SNX25: variants seen among roughly 807,000 people sequenced by gnomAD.
SNX25 encodes the protein sorting nexin 25, also known as sorting nexin-25.
SNX25 carries 62 observed loss-of-function variants against 113.7 expected under a neutral mutation model. That is an observed-to-expected ratio of 0.55 (90% CI 0.44 to 0.67). The LOEUF (loss-of-function observed/expected upper bound fraction) is 0.67, where lower values mean the gene tolerates loss of function less well. Among genes scored for constraint, SNX25 ranks in the 30% least tolerant of loss-of-function variants. SNX25 has a pLI of 0.00. For synonymous variants in SNX25, 421 were observed against 436.2 expected (o/e 0.97, Z 0.43); for missense variants, 1,014 against 1,161.0 (o/e 0.87, Z 1.84).
intron 1 of SNX25, among the ~76,000 whole-genome samples, chr4:185,244,947 T>A (rs1209911416): frequency 6.6e-6 from 1 of 152,124 alleles, no homozygotes; most frequent in Non-Finnish European, 1.5e-5. Flanking sequence ...AATCAAGGAC[T>A]GGAAATTCTC....
the SNX25 span, chr4:185,375,788 A>C: frequency 9.2e-7 from 1 of 1,090,614 alleles, no homozygotes; most frequent in East Asian, 2.8e-5. Flanking sequence ...TCCCAAAGGC[A>C]CCAAGTGGTC....
chr4:185,216,324 T>TC (rs1166276307), intron 1 of SNX25, among the ~76,000 whole-genome samples: 46 of 152,128 alleles, frequency 3.0e-4, no homozygotes, highest in Non-Finnish European at 5.9e-4. Flanking sequence ...TGAACAGTGA[T>TC]TACACATAAA....
At chr4:185,254,149 A>C (rs999139040) in intron 2 of SNX25, among the ~76,000 whole-genome samples, 2 of 152,134 alleles carry the variant, frequency 1.3e-5, no homozygotes, top group Non-Finnish European at 2.9e-5. Context: ...CAACTCATCG[A>C]GTTCTAGTTC....
At position 185,334,184 on chromosome 4, in the gene SNX25, C is replaced by A. The variant is rs190637652; in HGVS notation, c.1914+1425C>A. Among the ~76,000 whole-genome samples, 515 of 152,024 alleles carry A rather than the reference C, an allele frequency of 3.4e-3. 1 individual carries two copies. The highest frequency in any genetic ancestry group is 5.4e-3 in the Non-Finnish European group (365 of 67,954). On this transcript the variant is annotated intron_variant, in intron 10 of 18. Transcript: ENST00000652585. This position sits in a 1 kb window ranked among gnomAD's most constrained non-coding sequence, Gnocchi z 4.2. ...TGAAACCCTGTGTCTACTAAAAATA[C>A]AAAAATTAGCCAGGCATGGTGGCAT... is the stretch of plus-strand genomic sequence containing the variant.
chr4:185,246,025 G>A (rs562508536), intron 1 of SNX25, among the ~76,000 whole-genome samples: 14 of 152,242 alleles, frequency 9.2e-5, no homozygotes, highest in Middle Eastern at 3.4e-3. Flanking sequence ...GGTGGCTCAC[G>A]CCTGTAATCC....
intron 1 of SNX25, among the ~76,000 whole-genome samples, chr4:185,212,497 T>TTTTTTTTG (rs1738087902): frequency 2.0e-5 from 1 of 49,596 alleles, no homozygotes; most frequent in African/African-American, 5.6e-5. Flanking sequence ...GTGTGTTTTT[T>TTTTTTTTG]TTTTTTTTTG....
chr4:185,225,345 C>T (rs770660327), intron 1 of SNX25, among the ~76,000 whole-genome samples: 29 of 152,088 alleles, frequency 1.9e-4, no homozygotes, highest in Non-Finnish European at 3.4e-4. Flanking sequence ...AGTATGGTCT[C>T]GATCTCCTGA....
chr4:185,370,766 G>A, downstream of SNX25: 1 of 1,614,140 alleles, frequency 6.2e-7, no homozygotes, highest in South Asian at 1.1e-5. Context: ...GACAGTCTGT[G>A]ACCTGGGCGA....
At chr4:185,291,299 C>T (rs893251981) in intron 6 of SNX25, among the ~76,000 whole-genome samples, 1 of 152,150 alleles carries the variant, frequency 6.6e-6, no homozygotes, top group Non-Finnish European at 1.5e-5. Context: ...TCATTACCAC[C>T]CATCTCCGGA....
intron 3 of SNX25, among the ~76,000 whole-genome samples, chr4:185,262,502 C>CA (rs1476067304): frequency 4.6e-5 from 7 of 152,046 alleles, no homozygotes; most frequent in Non-Finnish European, 8.8e-5. Flanking sequence ...TGTTCTTTTT[C>CA]ATCTTTGTAA....
intron 1 of SNX25, among the ~76,000 whole-genome samples, chr4:185,241,468 AAG>A (rs923183346): frequency 8.6e-6 from 1 of 115,900 alleles, no homozygotes; most frequent in Non-Finnish European, 2.0e-5. Flanking sequence ...AGACCGTGGA[AAG>A]AGAGGGAGAG....
intron 2 of SNX25, among the ~76,000 whole-genome samples, chr4:185,251,152 G>A (rs1002053469): frequency 7.2e-5 from 11 of 152,002 alleles, no homozygotes; most frequent in Non-Finnish European, 1.3e-4. Flanking sequence ...ACACCACCAT[G>A]CCCAGCTAAT....
At chr4:185,371,191 T>G (rs2126786458), downstream of SNX25, 1 of 168,794 alleles carries the variant, frequency 5.9e-6, no homozygotes, top group Non-Finnish European at 1.3e-5. Flanking sequence ...AACCTTCAGT[T>G]TGGACGTTAG....
chr4:185,292,883 C>A (rs895801537), intron 6 of SNX25, among the ~76,000 whole-genome samples: 2 of 152,176 alleles, frequency 1.3e-5, no homozygotes, highest in Non-Finnish European at 2.9e-5. Flanking sequence ...CCACTGTACT[C>A]CAGCCTGGGT....
intron 1 of SNX25, among the ~76,000 whole-genome samples, chr4:185,212,487 G>GTTTTTT: frequency 2.0e-5 from 1 of 50,430 alleles, no homozygotes; most frequent in African/African-American, 7.4e-5. Flanking sequence ...GTGTGTGTGT[G>GTTTTTT]TGTGTTTTTT....
intron 9 of SNX25, among the ~76,000 whole-genome samples, chr4:185,328,712 A>G (rs560110864): frequency 1.3e-5 from 2 of 152,200 alleles, no homozygotes; most frequent in Non-Finnish European, 2.9e-5. Flanking sequence ...CCCAGATGCT[A>G]TTTGATCTGC....
At chr4:185,330,990 T>C (rs1208851920) in intron 9 of SNX25, among the ~76,000 whole-genome samples, 1 of 152,232 alleles carries the variant, frequency 6.6e-6, no homozygotes, top group Non-Finnish European at 1.5e-5. Context: ...AAAATATCTA[T>C]ACTCAGCAGA....
downstream of SNX25, among the ~76,000 whole-genome samples, chr4:185,371,807 G>A (rs1189769590): frequency 6.6e-6 from 1 of 152,124 alleles, no homozygotes; most frequent in African/African-American, 2.4e-5. Context: ...CCGAGACGCT[G>A]GGGAAGCGGG....
chr4:185,258,712 A>G, intron 2 of SNX25, 136 bp from the exon 3 acceptor site: 1 of 670,092 alleles, frequency 1.5e-6, no homozygotes. Flanking sequence ...AGGAATTCTC[A>G]TGAGTTCTGT....
Sources: allele counts gnomAD v4.1 joint callset (sites outside exome capture counted in the v4.1 genomes callset), GRCh38; gene constraint gnomAD v4.1.1; non-coding constraint Gnocchi (gnomAD v3.1); transcripts MANE v1.5; gene names NCBI Gene and HGNC (gene_info 2026-07-23, HGNC 2026-07-21).